Variants in NFATC3 observed in about 807,000 individuals in gnomAD.
The protein encoded by NFATC3 is nuclear factor of activated T cells 3.
Under a neutral mutation model 98.6 loss-of-function variants are expected in NFATC3, and 46 were observed. The observed-to-expected ratio is 0.47, with a 90% CI of 0.37 to 0.60. The LOEUF (loss-of-function observed/expected upper bound fraction) is 0.60, where lower values mean the gene tolerates loss of function less well. Among genes scored for constraint, NFATC3 ranks in the 20% least tolerant of loss-of-function variants. The pLI, the probability that NFATC3 is intolerant of heterozygous loss-of-function variation, is 0.00. For missense variants in NFATC3, 1,256 were observed against 1,295.5 expected (o/e 0.97, Z 0.47); for synonymous variants, 512 against 472.2 (o/e 1.08, Z -1.09).
chr16:68,112,632 A>ATTTT (rs55642862), intron 1 of NFATC3, among the ~76,000 whole-genome samples: 10 of 100,872 alleles, frequency 9.9e-5, no homozygotes, highest in African/African-American at 2.0e-4. Context: ...ATTTCTTTTC[A>ATTTT]TTTTTTCTTT....
At chr16:68,191,798 C>A in intron 9 of NFATC3, 23 bp downstream of exon 9, 1 of 1,611,388 alleles carries the variant, frequency 6.2e-7, no homozygotes, top group South Asian at 1.1e-5. Context: ...CTGATATGTT[C>A]TTGAAGTAGT....
chr16:68,093,597 T>TA (rs1567492993), intron 1 of NFATC3, among the ~76,000 whole-genome samples: 1 of 152,252 alleles, frequency 6.6e-6, no homozygotes, highest in Non-Finnish European at 1.5e-5. Flanking sequence ...TTGTTTGTGA[T>TA]ACATTAGATA....
chr16:68,202,761 G>A (rs756615169), intron 9 of NFATC3, among the ~76,000 whole-genome samples: 2 of 152,004 alleles, frequency 1.3e-5, no homozygotes, highest in African/African-American at 2.4e-5. Flanking sequence ...GCAGTGAGCC[G>A]AGATCGTGCC....
At chr16:68,147,229 C>T (rs2038082218) in intron 3 of NFATC3, among the ~76,000 whole-genome samples, 1 of 152,070 alleles carries the variant, frequency 6.6e-6, no homozygotes, top group Non-Finnish European at 1.5e-5. Flanking sequence ...GAGTACTTGC[C>T]AGTATGTTAT....
In NFATC3 at chr16:68,166,825, T is replaced by C. The variant is rs2039222813; in HGVS notation, c.1602-18T>C. ...GATTATCAATAAACAAATTAAATTT[T>C]TGTATTTTTCTCTTTAGTATTGATT... On this transcript the variant is annotated intron_variant, in intron 4 of 9. Transcript: ENST00000346183. 6.3e-7 allele frequency: 1 copy of C among 1,579,128 alleles called. No homozygotes were observed. The highest frequency in any genetic ancestry group is 1.1e-5 in the South Asian group (1 of 87,940).
intron 1 of NFATC3, among the ~76,000 whole-genome samples, chr16:68,120,909 CATG>C (rs1464695530): frequency 6.6e-6 from 1 of 152,156 alleles, no homozygotes; most frequent in Non-Finnish European, 1.5e-5. Flanking sequence ...TTAGCTCTGA[CATG>C]ATGCCACAAG....
chr16:68,224,695 A>G (rs1267931270), intron 9 of NFATC3: 1 of 151,450 alleles, frequency 6.6e-6, no homozygotes, highest in Admixed American at 6.6e-5. Flanking sequence ...GAATTAGTAA[A>G]TATTAGTTCC....
chr16:68,193,611 G>C (rs559525532), intron 9 of NFATC3, among the ~76,000 whole-genome samples: 1 of 152,290 alleles, frequency 6.6e-6, no homozygotes, highest in East Asian at 1.9e-4. Context: ...CTAGGCTGCA[G>C]TGAGCTGATC....
intron 3 of NFATC3, among the ~76,000 whole-genome samples, chr16:68,134,297 C>G (rs7206792): frequency 0.22 from 32,989 of 151,998 alleles, 4,141 homozygotes; most frequent in African/African-American, 0.34. Flanking sequence ...AAGTATCTGG[C>G]ACTACAGGCA....
chr16:68,132,269 A>G (rs1177672775), intron 3 of NFATC3, among the ~76,000 whole-genome samples: 1 of 152,158 alleles, frequency 6.6e-6, no homozygotes, highest in African/African-American at 2.4e-5. Context: ...ATAAACTTCA[A>G]AGAGTGGTGA....
In NFATC3 at chr16:68,090,461, A is replaced by G. The variant is rs552263622; in HGVS notation, c.103+4677A>G. On this transcript the variant is annotated intron_variant, in intron 1 of 9. Coordinates refer to ENST00000346183, the MANE Select transcript of NFATC3 (RefSeq NM_173165.3). ...TACAAACAGTAGCATTTTAAAAAGA[A>G]GAAAAAAAGAGATTAGGGCAGATGA... Among the ~76,000 whole-genome samples, 21 of 152,294 alleles carry G rather than the reference A, an allele frequency of 1.4e-4. No individual in the cohort carries two copies. In the South Asian group the frequency reaches 3.9e-3, roughly 29 times the overall value.
rs759072277 is a variant in NFATC3, at chr16:68,122,138, C to T, written c.255C>T (p.Asn85=). Reference sequence around the variant, plus strand: ...CGTTTCAGCTCCAAAGTCACAAAAACTATGAAGGAACTTGTGAGATTCCTG... The same window carrying T: ...CGTTTCAGCTCCAAAGTCACAAAAATTATGAAGGAACTTGTGAGATTCCTG... ...SPSFQLQSHK[N]YEGTCEIPES... Residue 85 remains asparagine, a synonymous_variant, in exon 2 of 10, where the codon AAC becomes AAT. Coordinates refer to ENST00000346183, the MANE Select transcript of NFATC3 (RefSeq NM_173165.3). The T allele has an allele frequency of 2.2e-5, 36 of 1,614,098 alleles. No homozygotes were observed. Among genetic ancestry groups the T allele is most frequent in the Non-Finnish European group, 3.1e-5 (36 of 1,180,018 alleles).
intron 3 of NFATC3, among the ~76,000 whole-genome samples, chr16:68,141,616 T>C (rs1392482030): frequency 6.6e-6 from 1 of 152,238 alleles, no homozygotes; most frequent in Non-Finnish European, 1.5e-5. Flanking sequence ...TTTCTTCTTT[T>C]GAGAAGTGTC....
At chr16:68,217,655 C>T in intron 9 of NFATC3, 1 of 1,231,224 alleles carries the variant, frequency 8.1e-7, no homozygotes, top group Non-Finnish European at 1.0e-6. Context: ...TCTCACACCT[C>T]ATGATAATTC....
chr16:68,187,367 G>A (rs2040246816), intron 8 of NFATC3, among the ~76,000 whole-genome samples: 1 of 152,222 alleles, frequency 6.6e-6, no homozygotes, highest in Non-Finnish European at 1.5e-5. Flanking sequence ...TGCCAACATA[G>A]CGAGCAGGGG....
rs747789171 is a variant in NFATC3 at position 68,191,746 on chromosome 16, T to C, written c.3077T>C (p.Ile1026Thr). The C allele has an allele frequency of 1.4e-5, 22 of 1,614,134 alleles. No homozygotes were observed. In the South Asian group the frequency reaches 2.4e-4, roughly 18 times the overall value. ...PEDREPNFAT[I>T]GLQDITLDDV... is the part of the protein sequence containing the mutation. ...GATCGAGAGCCTAACTTTGCAACCA[T>C]TGGTCTGCAGGACATCACTTTAGAT... The change falls in exon 9 of 10, where the codon ATT (isoleucine) becomes ACT (threonine). Residue 1026 changes from isoleucine (I) to threonine (T), a missense_variant. Ile to Thr is a moderately conservative substitution (Grantham distance 89). This residue lies in a region of NFATC3 where 636 missense variants were observed against 617.3 expected (regional missense o/e 1.03). Coordinates refer to ENST00000346183, the MANE Select transcript of NFATC3 (RefSeq NM_173165.3).
chr16:68,175,598 T>A (rs1323436273), intron 6 of NFATC3, among the ~76,000 whole-genome samples: 1 of 152,178 alleles, frequency 6.6e-6, no homozygotes, highest in Non-Finnish European at 1.5e-5. Flanking sequence ...CTTGTTCTGT[T>A]GGCTAGGCTG....
At position 68,214,426 on chromosome 16, in the gene NFATC3, C is replaced by T. The variant is rs1555524511; in HGVS notation, c.3107-11924C>T. 6 of 1,613,556 alleles carry T rather than the reference C, an allele frequency of 3.7e-6. No individual in the cohort carries two copies. The South Asian group carries it at 5.5e-5, about 15-fold the overall frequency. On this transcript the variant is annotated intron_variant, in intron 9 of 9. Coordinates refer to ENST00000346183, the MANE Select transcript of NFATC3 (RefSeq NM_173165.3). The stretch of plus-strand genomic sequence containing the variant: ...CATGTCCAGCTCCTTTCTGGAGAAT[C>T]TAGAGGGTGAGTGTTGATTGAAATG...
chr16:68,109,114 A>G (rs1304609345), intron 1 of NFATC3, among the ~76,000 whole-genome samples: 1 of 152,146 alleles, frequency 6.6e-6, no homozygotes, highest in East Asian at 1.9e-4. Context: ...ACTATGTTGA[A>G]TAGGAGTGGT....
Sources: gnomAD v4.1 joint callset for allele counts (sites outside exome capture counted in the v4.1 genomes callset) on GRCh38, gnomAD v4.1.1 for gene constraint, gnomAD v4.1.1 regional missense constraint, MANE v1.5 for transcripts, NCBI Gene and HGNC (gene_info 2026-07-23, HGNC 2026-07-21) for gene names.